The following RNLS variants were observed in gnomAD, a reference collection of about 807,000 sequenced individuals.
RNLS encodes renalase, FAD dependent amine oxidase.
RNLS carries 39 observed loss-of-function variants against 39.8 expected under a neutral mutation model. The ratio of observed to expected loss-of-function variants is 0.98; its 90% CI spans 0.76 to 1.28. RNLS has a LOEUF of 1.28. RNLS is among the 50% of genes most tolerant of loss of function. RNLS has a pLI of 0.00. For synonymous variants in RNLS, 147 were observed against 150.7 expected, an observed-to-expected ratio of 0.98 and a Z score of 0.18; for missense variants, 410 against 413.3, an observed-to-expected ratio of 0.99 and a Z score of 0.07.
the RNLS span, among the ~76,000 whole-genome samples, chr10:88,191,178 A>G: frequency 4.6e-5 from 7 of 152,190 alleles, no homozygotes; most frequent in East Asian, 7.7e-4. Context: ...ACCCACACCA[A>G]TCTTTAAAGG....
At chr10:88,397,942 T>C (rs1421619083) in intron 4 of RNLS, among the ~76,000 whole-genome samples, 1 of 152,024 alleles carries the variant, frequency 6.6e-6, no homozygotes, top group Non-Finnish European at 1.5e-5. Context: ...ATATCTATAG[T>C]AAATTGATTT....
the RNLS span, among the ~76,000 whole-genome samples, chr10:88,192,987 T>C: frequency 6.6e-6 from 1 of 152,284 alleles, no homozygotes; most frequent in African/African-American, 2.4e-5. Flanking sequence ...CTAACCTACC[T>C]CCACTCATTC....
chr10:88,251,888 A>T, the RNLS span, among the ~76,000 whole-genome samples: 3 of 152,342 alleles, frequency 2.0e-5, no homozygotes, highest in Non-Finnish European at 4.4e-5. Context: ...GGGTCAGCTA[A>T]GCTTTTCCCT....
the RNLS span, among the ~76,000 whole-genome samples, chr10:88,229,158 C>A: frequency 6.6e-6 from 1 of 152,186 alleles, no homozygotes; most frequent in Admixed American, 6.5e-5. Flanking sequence ...TTCTTCCAAC[C>A]TAACAATTTC....
chr10:88,502,796 T>C (rs923351558), intron 4 of RNLS, among the ~76,000 whole-genome samples: 1 of 152,116 alleles, frequency 6.6e-6, no homozygotes, highest in Non-Finnish European at 1.5e-5. Flanking sequence ...GAAAACCTGA[T>C]AGTTCTCAGA....
intron 5 of RNLS, among the ~76,000 whole-genome samples, chr10:88,321,179 A>G (rs975634330): frequency 2.0e-5 from 3 of 152,198 alleles, no homozygotes; most frequent in Non-Finnish European, 2.9e-5. Context: ...TGGAAACCAA[A>G]CAAACAACTT....
At chr10:88,498,709 T>C (rs949482809) in intron 4 of RNLS, among the ~76,000 whole-genome samples, 2 of 151,808 alleles carry the variant, frequency 1.3e-5, no homozygotes, top group African/African-American at 2.4e-5. Flanking sequence ...TATATACAGA[T>C]AGGAGGTGTC....
At chr10:88,344,561 A>T (rs903729688) in intron 5 of RNLS, among the ~76,000 whole-genome samples, 1 of 152,120 alleles carries the variant, frequency 6.6e-6, no homozygotes, top group African/African-American at 2.4e-5. Flanking sequence ...TGATATTGTT[A>T]GCCACTCCCG....
chr10:88,275,585 G>A lies in RNLS; in HGVS notation c.877-553C>T, dbSNP rs142735579. 5.7e-3 allele frequency among the ~76,000 whole-genome samples: 865 copies of A among 152,170 alleles called. 7 individuals are homozygous for A. Among genetic ancestry groups the A allele is most frequent in the African/African-American group, 0.02 (816 of 41,520 alleles). On this transcript the variant is annotated intron_variant, in intron 6 of 6. Transcript: ENST00000371947. ...AGAGTGTACAGTAGTAAAAATCAAC[G>A]AAATATATCTATGTATATCGACATG... is the stretch of plus-strand genomic sequence containing the variant.
Position 88,512,533 on chromosome 10 carries a change from T to C in RNLS, c.526+60370A>G, listed in dbSNP as rs111635907. ...CTTGTCGTTTTTTTATGCCTGCCTA[T>C]CCTTCACCATACAGGATCAAAAAGT... On this transcript the variant is annotated intron_variant, in intron 4 of 6. Coordinates refer to ENST00000331772, the MANE Select transcript of RNLS (RefSeq NM_001031709.3). Among the ~76,000 whole-genome samples, 174 of 152,274 alleles carry C rather than the reference T, an allele frequency of 1.1e-3. 1 individual carries two copies. Among genetic ancestry groups the C allele is most frequent in the African/African-American group, 3.9e-3 (162 of 41,566 alleles).
chr10:88,577,855 T>A (rs1250623259), intron 3 of RNLS, among the ~76,000 whole-genome samples: 1 of 152,200 alleles, frequency 6.6e-6, no homozygotes, highest in African/African-American at 2.4e-5. Context: ...TCTGGGAAAT[T>A]GGTCTAGTTA....
At chr10:88,260,090 T>C in the RNLS span, among the ~76,000 whole-genome samples, 1 of 152,150 alleles carries the variant, frequency 6.6e-6, no homozygotes, top group African/African-American at 2.4e-5. Context: ...CTAGAGAATG[T>C]GTATGAAATT....
intron 5 of RNLS, among the ~76,000 whole-genome samples, chr10:88,340,620 G>A (rs1402918465): frequency 1.3e-5 from 2 of 151,958 alleles, no homozygotes; most frequent in Non-Finnish European, 2.9e-5. Flanking sequence ...ACATTCCATT[G>A]CATAAACTTT....
chr10:88,211,160 G>A, the RNLS span, among the ~76,000 whole-genome samples: 1 of 151,990 alleles, frequency 6.6e-6, no homozygotes, highest in Admixed American at 6.6e-5. Flanking sequence ...ATCGTCCCAT[G>A]TTTTGTCACA....
chr10:88,414,910 C>A (rs1312535395), intron 4 of RNLS, among the ~76,000 whole-genome samples: 1 of 152,132 alleles, frequency 6.6e-6, no homozygotes, highest in Non-Finnish European at 1.5e-5. Flanking sequence ...TTCAGGAAGT[C>A]AGCCTGTGGG....
At chr10:88,578,854 C>T (rs1215314645) in intron 3 of RNLS, among the ~76,000 whole-genome samples, 3 of 152,052 alleles carry the variant, frequency 2.0e-5, no homozygotes, top group Non-Finnish European at 2.9e-5. Flanking sequence ...ACATCAACTC[C>T]ATGAAGGCAA....
At chr10:88,183,872 A>G in the RNLS span, among the ~76,000 whole-genome samples, 4 of 152,162 alleles carry the variant, frequency 2.6e-5, no homozygotes, top group African/African-American at 7.2e-5. Flanking sequence ...GTTGGAATCA[A>G]TGGCGATACT....
In RNLS at chr10:88,306,763, A is replaced by G. The variant is rs56747358; in HGVS notation, c.876+7703T>C. Among the ~76,000 whole-genome samples the G allele has an allele frequency of 2.8e-3, 419 of 152,266 alleles. 2 individuals carry two copies. The highest frequency in any genetic ancestry group is 8.5e-3 in the East Asian group (44 of 5,172). ...TCTATCAGATGTACAAAGAGCTGGT[A>G]CCATTCCTGCTGAAACTATTCCAAA... On this transcript the variant is annotated intron_variant, in intron 6 of 6. Coordinates refer to ENST00000331772, the MANE Select transcript of RNLS (RefSeq NM_001031709.3).
chr10:88,291,094 C>A (rs1469428499), intron 6 of RNLS, among the ~76,000 whole-genome samples: 1 of 152,086 alleles, frequency 6.6e-6, no homozygotes, highest in Admixed American at 6.5e-5. Context: ...GATGGAGTGG[C>A]ATCTTATAGT....
Sources: gnomAD v4.1 joint callset for allele counts (sites outside exome capture counted in the v4.1 genomes callset) on GRCh38, gnomAD v4.1.1 for gene constraint, MANE v1.5 for transcripts, NCBI Gene and HGNC (gene_info 2026-07-23, HGNC 2026-07-21) for gene names.